Variants in WWOX observed in about 807,000 individuals in gnomAD.
WWOX encodes the protein WW domain containing oxidoreductase.
In WWOX, 69 loss-of-function variants were observed where a neutral mutation model predicts 46.2. That is an observed-to-expected ratio of 1.49 (90% CI 1.23 to 1.82). The LOEUF (loss-of-function observed/expected upper bound fraction) is 1.82, where lower values mean the gene tolerates loss of function less well. Ranked by LOEUF, WWOX falls within the 40% of genes most tolerant of loss-of-function variation. The probability of loss-of-function intolerance (pLI) is 0.00; values close to 1 mark genes in which losing one functional copy is unlikely to be tolerated. For missense variants in WWOX, 919 were observed against 542.6 expected, an observed-to-expected ratio of 1.69 and a Z score of -6.89; for synonymous variants, 359 against 202.6, an observed-to-expected ratio of 1.77 and a Z score of -6.56.
intron 5 of WWOX, among the ~76,000 whole-genome samples, chr16:78,218,984 C>CT (rs2036807584): frequency 6.6e-6 from 1 of 152,196 alleles, no homozygotes. Flanking sequence ...TGAAATGTCA[C>CT]TTTTATGCAA....
chr16:79,029,928 T>C (rs2047720361), intron 8 of WWOX, among the ~76,000 whole-genome samples: 1 of 152,192 alleles, frequency 6.6e-6, no homozygotes, highest in African/African-American at 2.4e-5. Flanking sequence ...ACTGGTATAA[T>C]AGGGGCCAAG....
intron 8 of WWOX, among the ~76,000 whole-genome samples, chr16:79,066,519 G>A (rs1416018828): frequency 1.3e-5 from 2 of 152,190 alleles, no homozygotes; most frequent in Non-Finnish European, 2.9e-5. Context: ...AAGGGAGGAA[G>A]GGAGGGAAGG....
intron 8 of WWOX, among the ~76,000 whole-genome samples, chr16:78,823,692 G>A (rs939875551): frequency 5.3e-5 from 8 of 152,080 alleles, no homozygotes; most frequent in South Asian, 2.1e-4. Flanking sequence ...TTTAAGGCCC[G>A]CCGAGCCTGA....
chr16:79,024,802 C>A (rs2047604861), intron 8 of WWOX, among the ~76,000 whole-genome samples: 1 of 152,104 alleles, frequency 6.6e-6, no homozygotes, highest in Non-Finnish European at 1.5e-5. Context: ...AAAATCCTGG[C>A]CTCAAGCAAT....
intron 8 of WWOX, among the ~76,000 whole-genome samples, chr16:78,800,573 T>TC (rs2142650521): frequency 6.6e-6 from 1 of 152,262 alleles, no homozygotes; most frequent in Admixed American, 6.5e-5. Context: ...GCAGAATCTG[T>TC]CCCCACTGTG....
intron 8 of WWOX, among the ~76,000 whole-genome samples, chr16:78,667,670 CAAAAAAAAAAAAA>C (rs35375082): frequency 1.6e-5 from 1 of 61,306 alleles, no homozygotes; most frequent in Non-Finnish European, 3.3e-5. Context: ...GACTCCGTCT[CAAAAAAAAAAAAA>C]AAAAAAAAAA....
At position 78,234,369 on chromosome 16, in the gene WWOX, A is replaced by T. The variant is rs924719362; in HGVS notation, c.516+70080A>T. ...TGCTTTATGGTATTTGTGATATATC[A>T]TATGAATATACTTGAGGGTCATGAG... is the stretch of plus-strand genomic sequence containing the variant. On this transcript the variant is annotated intron_variant, in intron 5 of 8. Coordinates refer to ENST00000566780, the MANE Select transcript of WWOX (RefSeq NM_016373.4). Among the ~76,000 whole-genome samples the T allele has an allele frequency of 1.3e-3, 202 of 152,194 alleles. 1 individual carries two copies. The highest frequency in any genetic ancestry group is 4.7e-3 in the African/African-American group (194 of 41,522).
At chr16:78,210,437 T>C (rs1370646915) in intron 5 of WWOX, among the ~76,000 whole-genome samples, 1 of 152,158 alleles carries the variant, frequency 6.6e-6, no homozygotes, top group Admixed American at 6.5e-5. Context: ...CTGGTCTCTT[T>C]GGAAGGCAAG....
chr16:78,378,083 C>T (rs181557499), intron 5 of WWOX, among the ~76,000 whole-genome samples: 33 of 152,164 alleles, frequency 2.2e-4, no homozygotes, highest in Non-Finnish European at 4.1e-4. Flanking sequence ...CAAACTCAGC[C>T]TCTGTTCTTC....
intron 8 of WWOX, among the ~76,000 whole-genome samples, chr16:78,738,435 C>A (rs188525820): frequency 1.3e-5 from 2 of 152,206 alleles, no homozygotes; most frequent in East Asian, 3.9e-4. Flanking sequence ...AATCTGGATT[C>A]AGGTGGCCAA....
chr16:78,784,269 G>A (rs2050401645), intron 8 of WWOX, among the ~76,000 whole-genome samples: 1 of 152,070 alleles, frequency 6.6e-6, no homozygotes, highest in Non-Finnish European at 1.5e-5. Flanking sequence ...GAAGGGATAA[G>A]CTCAAGTTCA....
At chr16:78,914,463 G>T (rs1319311707) in intron 8 of WWOX, among the ~76,000 whole-genome samples, 2 of 152,052 alleles carry the variant, frequency 1.3e-5, no homozygotes, top group African/African-American at 2.4e-5. Context: ...CCAGATTCAT[G>T]AAATTTCTTT....
chr16:78,603,751 A>G (rs1439191077), intron 8 of WWOX, among the ~76,000 whole-genome samples: 1 of 152,176 alleles, frequency 6.6e-6, no homozygotes, highest in East Asian at 1.9e-4. Context: ...AAATTGAAAG[A>G]GAACACTTTG....
chr16:78,395,709 A>G (rs896896550), intron 6 of WWOX, among the ~76,000 whole-genome samples: 1 of 152,182 alleles, frequency 6.6e-6, no homozygotes, highest in African/African-American at 2.4e-5. Flanking sequence ...ACTGAGGATC[A>G]TAAAGTACTT....
At chr16:78,529,319 G>C (rs2151510508) in intron 8 of WWOX, among the ~76,000 whole-genome samples, 1 of 152,186 alleles carries the variant, frequency 6.6e-6, no homozygotes, top group East Asian at 1.9e-4. Context: ...TTTATCAAAT[G>C]CATTCTCACA....
intron 5 of WWOX, among the ~76,000 whole-genome samples, chr16:78,309,017 C>T (rs1466811711): frequency 6.6e-6 from 1 of 152,154 alleles, no homozygotes; most frequent in Non-Finnish European, 1.5e-5. Flanking sequence ...GCTACATCCC[C>T]ACCCAAAATC....
At chr16:78,477,176 C>G (rs1055003597) in intron 8 of WWOX, among the ~76,000 whole-genome samples, 3 of 152,062 alleles carry the variant, frequency 2.0e-5, no homozygotes, top group Non-Finnish European at 4.4e-5. Context: ...ATCGAAGCAG[C>G]AAGAGTAGTC....
chr16:78,402,656 C>G (rs1194594875), intron 6 of WWOX, among the ~76,000 whole-genome samples: 1 of 152,110 alleles, frequency 6.6e-6, no homozygotes, highest in Non-Finnish European at 1.5e-5. Context: ...TGGGGAGAAA[C>G]TTACAAGTCC....
intron 8 of WWOX, among the ~76,000 whole-genome samples, chr16:79,178,183 T>C (rs1041735707): frequency 6.6e-6 from 1 of 152,212 alleles, no homozygotes. Context: ...AGCACTATCA[T>C]AGTGCAAAAC....
Sources: gnomAD v4.1 joint callset for allele counts (sites outside exome capture counted in the v4.1 genomes callset) on GRCh38, gnomAD v4.1.1 for gene constraint, MANE v1.5 for transcripts, NCBI Gene and HGNC (gene_info 2026-07-23, HGNC 2026-07-21) for gene names.